PTPRG: variants seen among roughly 807,000 people sequenced by gnomAD.
PTPRG encodes receptor-type tyrosine-protein phosphatase gamma.
PTPRG carries 102 observed loss-of-function variants against 165.3 expected under a neutral mutation model. The observed-to-expected ratio is 0.62, with a 90% CI of 0.53 to 0.73. PTPRG has a LOEUF of 0.73. PTPRG is among the 30% of genes least tolerant of loss of function. The pLI is 0.00. For missense variants in PTPRG, 1,866 were observed against 1,861.4 expected (o/e 1.00, Z -0.05); for synonymous variants, 675 against 669.5 (o/e 1.01, Z -0.13).
chr3:61,886,831 GT>G (rs1488426484), intron 2 of PTPRG, among the ~76,000 whole-genome samples: 1 of 151,162 alleles, frequency 6.6e-6, no homozygotes, highest in East Asian at 1.9e-4. Context: ...GGTGTAAACA[GT>G]TGATTACATG....
chr3:62,248,694 G>A (rs1280929163), intron 15 of PTPRG, among the ~76,000 whole-genome samples: 1 of 152,070 alleles, frequency 6.6e-6, no homozygotes, highest in Non-Finnish European at 1.5e-5. Flanking sequence ...ACCTGTTATA[G>A]AGCATATTGA....
At chr3:61,628,221 C>T (rs1263181001) in intron 1 of PTPRG, among the ~76,000 whole-genome samples, 3 of 152,134 alleles carry the variant, frequency 2.0e-5, no homozygotes, top group Admixed American at 2.0e-4. Flanking sequence ...TTTTGTTTAA[C>T]TTGAACATAA....
At chr3:61,654,719 A>T (rs1702460963) in intron 1 of PTPRG, among the ~76,000 whole-genome samples, 1 of 150,468 alleles carries the variant, frequency 6.6e-6, no homozygotes, top group Admixed American at 6.6e-5. Context: ...TCTTGTATGC[A>T]GCCCAGGGCT....
Position 61,969,257 on chromosome 3 carries a change from T to C in PTPRG, c.191-20368T>C, listed in dbSNP as rs577881241. Among the ~76,000 whole-genome samples, 6 of 152,266 alleles carry C rather than the reference T, an allele frequency of 3.9e-5. No individual in the cohort carries two copies. The East Asian group carries it at 1.2e-3, about 29-fold the overall frequency. ...GTGGTCTCCAGTGGAGCAGAGAACC[T>C]TGTCCCTCAACAATGTTCCAAGGTA... is the stretch of plus-strand genomic sequence containing the variant. On this transcript the variant is annotated intron_variant, in intron 2 of 29. Transcript: ENST00000474889.
chr3:61,917,316 A>G (rs1386655599), intron 2 of PTPRG, among the ~76,000 whole-genome samples: 1 of 152,206 alleles, frequency 6.6e-6, no homozygotes, highest in Non-Finnish European at 1.5e-5. Flanking sequence ...CTCATTGCAG[A>G]CAATCCAATT....
Position 62,191,466 on chromosome 3 carries a change from C to T in PTPRG, c.1034-3C>T, listed in dbSNP as rs759934661. On this transcript the variant is annotated splice_region_variant and splice_polypyrimidine_tract_variant and intron_variant, in intron 8 of 29. Coordinates refer to ENST00000474889, the MANE Select transcript of PTPRG (RefSeq NM_002841.4). The stretch of plus-strand genomic sequence containing the variant: ...CCCTGAGCTGAGCCCTGTGTATCTT[C>T]AGTTTGCAGCTCTCCACCCATCCAC... 1.9e-6 allele frequency: 3 copies of T among 1,613,046 alleles called. No individual in the cohort carries two copies. Among genetic ancestry groups the T allele is most frequent in the Admixed American group, 1.7e-5 (1 of 59,910 alleles).
intron 1 of PTPRG, among the ~76,000 whole-genome samples, chr3:61,617,581 A>G (rs937431229): frequency 6.6e-6 from 1 of 152,186 alleles, no homozygotes; most frequent in Non-Finnish European, 1.5e-5. Flanking sequence ...CAACTGAGAA[A>G]GGCTTAATTT....
intron 4 of PTPRG, among the ~76,000 whole-genome samples, chr3:62,022,087 A>G (rs2041708480): frequency 1.3e-5 from 2 of 152,160 alleles, no homozygotes; most frequent in African/African-American, 4.8e-5. Context: ...ATGAATTTCT[A>G]GAGGTCTGAA....
intron 1 of PTPRG, among the ~76,000 whole-genome samples, chr3:61,700,018 G>C (rs548696886): frequency 2.8e-4 from 42 of 152,178 alleles, no homozygotes; most frequent in African/African-American, 1.0e-3. Context: ...GTGATATCTG[G>C]GATTCTGGGT....
intron 10 of PTPRG, among the ~76,000 whole-genome samples, chr3:62,200,415 C>T (rs925200278): frequency 6.6e-6 from 1 of 152,004 alleles, no homozygotes; most frequent in African/African-American, 2.4e-5. Context: ...GGACTGCAGG[C>T]GTTCACCACC....
In PTPRG at chr3:62,243,864, C is replaced by T; in HGVS notation, c.2433C>T (p.Val811=). Residue 811 remains valine, a synonymous_variant, in exon 15 of 30, where the codon GTC becomes GTT. Transcript: ENST00000474889. ...AAGACAGCAGTTCACCTCGAGTGGTCCCTAATGAAAGTATCCCTATTATTC... is the reference window on the plus strand; with the variant it reads ...AAGACAGCAGTTCACCTCGAGTGGTTCCTAATGAAAGTATCCCTATTATTC... The part of the protein sequence containing the change: ...YVEDSSSPRV[V]PNESIPIIPI... The T allele has an allele frequency of 6.3e-7, 1 of 1,588,788 alleles. No individual in the cohort carries two copies. Among genetic ancestry groups the T allele is most frequent in the South Asian group, 1.1e-5 (1 of 90,120 alleles).
intron 28 of PTPRG, among the ~76,000 whole-genome samples, chr3:62,283,946 CAATGGA>C (rs1702543665): frequency 6.6e-6 from 1 of 151,562 alleles, no homozygotes; most frequent in Admixed American, 6.6e-5. Context: ...AGCATAAGAT[CAATGGA>C]AATGTGACAA....
chr3:61,748,039 A>G (rs74382898), intron 1 of PTPRG, among the ~76,000 whole-genome samples: 1 of 152,196 alleles, frequency 6.6e-6, no homozygotes, highest in Non-Finnish European at 1.5e-5. Context: ...AGCTCTCCAT[A>G]ATGGGTGAGA....
intron 2 of PTPRG, among the ~76,000 whole-genome samples, chr3:61,815,642 G>GT (rs1297282262): frequency 2.0e-5 from 3 of 152,130 alleles, no homozygotes; most frequent in African/African-American, 7.2e-5. Flanking sequence ...TAGTTTATCC[G>GT]TTTTTTATTG....
Position 62,203,875 on chromosome 3 carries a change from G to T in PTPRG, c.2080G>T (p.Glu694Ter), listed in dbSNP as rs748623403. 1.2e-6 allele frequency: 2 copies of T among 1,613,458 alleles called. No individual in the cohort carries two copies. The highest frequency in any genetic ancestry group is 1.7e-6 in the Non-Finnish European group (2 of 1,179,754). Residue 694 changes from glutamate to a stop codon, truncating the protein, a stop_gained, in exon 12 of 30, where the codon GAA becomes TAA. Transcript: ENST00000474889. LOFTEE classifies it high-confidence loss of function. The surrounding 1 kb of genome is among the most constrained non-coding windows in gnomAD (Gnocchi z 6.4). ...TGCAGGGAGTGATCCCAAGAGGCCC[G>T]AAATGCCATCTAAAAAGCCTATGTC... The part of the protein sequence containing the change: ...QYAGSDPKRP[E>*]MPSKKPMSRG...
chr3:61,835,195 C>T (rs1055821320), intron 2 of PTPRG, among the ~76,000 whole-genome samples: 5 of 152,086 alleles, frequency 3.3e-5, no homozygotes, highest in Admixed American at 6.6e-5. Flanking sequence ...TTCCTTTGGT[C>T]GTTACTGTGC....
intron 17 of PTPRG, among the ~76,000 whole-genome samples, chr3:62,264,863 T>TATCA (rs934164296): frequency 6.6e-6 from 1 of 152,024 alleles, no homozygotes; most frequent in Admixed American, 6.6e-5. Context: ...TTTGAGGAAC[T>TATCA]ATCAAACTCT....
intron 4 of PTPRG, among the ~76,000 whole-genome samples, chr3:62,042,541 T>A (rs981335135): frequency 1.3e-5 from 2 of 152,124 alleles, no homozygotes; most frequent in Admixed American, 1.3e-4. Flanking sequence ...TTGCCTGAAA[T>A]TTTCTTCCTC....
chr3:61,728,716 C>T (rs1349889835), intron 1 of PTPRG, among the ~76,000 whole-genome samples: 1 of 151,784 alleles, frequency 6.6e-6, no homozygotes, highest in East Asian at 1.9e-4. Flanking sequence ...CTTAGGTGCT[C>T]TAACATATTT....
Sources: allele counts gnomAD v4.1 joint callset (sites outside exome capture counted in the v4.1 genomes callset), GRCh38; gene constraint gnomAD v4.1.1; non-coding constraint Gnocchi (gnomAD v3.1); transcripts MANE v1.5; gene names NCBI Gene and HGNC (gene_info 2026-07-23, HGNC 2026-07-21).